Variants in PPP2CB observed in about 807,000 individuals in gnomAD.
The protein encoded by PPP2CB is serine/threonine-protein phosphatase 2A catalytic subunit beta isoform.
In PPP2CB, 18 loss-of-function variants were observed where a neutral mutation model predicts 39.1. The observed-to-expected ratio is 0.46, with a 90% CI of 0.32 to 0.68. The LOEUF (loss-of-function observed/expected upper bound fraction) is 0.68, where lower values mean the gene tolerates loss of function less well. Among genes scored for constraint, PPP2CB ranks in the 30% least tolerant of loss-of-function variants. The pLI is 0.04. For missense variants in PPP2CB, 226 were observed against 396.9 expected (o/e 0.57, Z 3.66); for synonymous variants, 129 against 133.8 (o/e 0.96, Z 0.25).
At chr8:30,811,605 C>T (rs1586130176) in intron 1 of PPP2CB, among the ~76,000 whole-genome samples, 1 of 151,674 alleles carries the variant, frequency 6.6e-6, no homozygotes, top group South Asian at 2.1e-4. Context: ...AAGCGATCCT[C>T]CCGCCTCAGC....
intron 2 of PPP2CB, 28 bp from the exon 3 acceptor site, chr8:30,797,782 T>C: frequency 1.2e-6 from 2 of 1,602,958 alleles, no homozygotes; most frequent in Non-Finnish European, 1.7e-6. Context: ...AAACCCATAG[T>C]AAAATCACAT....
chr8:30,805,999 G>C (rs998858401), intron 1 of PPP2CB, among the ~76,000 whole-genome samples: 1 of 151,854 alleles, frequency 6.6e-6, no homozygotes, highest in Admixed American at 6.6e-5. Context: ...TCTCTGGAAA[G>C]GAAACGGAAT....
In PPP2CB at chr8:30,801,024, T is replaced by C. The variant is rs564598499; in HGVS notation, c.103-1269A>G. 3.7e-4 allele frequency among the ~76,000 whole-genome samples: 53 copies of C among 143,706 alleles called. 1 individual carries two copies. Among genetic ancestry groups the C allele is most frequent in the East Asian group, 1.9e-3 (9 of 4,738 alleles). 94.3% of individuals were successfully genotyped at this position (143,706 alleles called of 152,430 possible). A position where few individuals can be genotyped will look rare whatever the true frequency, so the allele number is the denominator to read the frequency against. ...GAGTTTGAGACCAGGCTGGGCAACA[T>C]AGTGAGACCTCTGGTCTCTATAAAA... On this transcript the variant is annotated intron_variant, in intron 1 of 6. Transcript: ENST00000221138.
At chr8:30,793,083 C>T (rs1417520088) in intron 5 of PPP2CB, 1 of 152,076 alleles carries the variant, frequency 6.6e-6, no homozygotes, top group Non-Finnish European at 1.5e-5. Context: ...TTAAAGTTGC[C>T]ACCACCAGCA....
chr8:30,799,825 G>C, intron 1 of PPP2CB, 70 bp from the exon 2 acceptor site: 1 of 1,426,956 alleles, frequency 7.0e-7, no homozygotes, highest in Non-Finnish European at 9.7e-7. Flanking sequence ...AAGAAAATTT[G>C]GGGAAAAAAA....
chr8:30,812,467 G>GCCCCACC lies in PPP2CB; in HGVS notation c.-47_-46insGGTGGGG. 1 of 1,354,960 alleles carries GCCCCACC rather than the reference G, an allele frequency of 7.4e-7. No homozygotes were observed. The allele number at this position is 1,354,960 out of a possible 1,614,324, so 83.9% of individuals were successfully genotyped here. ...GATCCCGAGCCCCAGCCCGGCCGCC[G>GCCCCACC]CCCTCCCCCCTCCCCACCCGCCCCC... On this transcript the variant is annotated 5_prime_UTR_variant, in exon 1 of 7. Coordinates refer to ENST00000221138, the MANE Select transcript of PPP2CB (RefSeq NM_001009552.2).
chr8:30,812,393 A>C lies in PPP2CB; in HGVS notation c.29T>G (p.Leu10Arg). The C allele has an allele frequency of 6.5e-7, 1 of 1,544,854 alleles. No individual in the cohort carries two copies. The highest frequency in any genetic ancestry group is 8.8e-7 in the Non-Finnish European group (1 of 1,141,404). Residue 10 changes from leucine to arginine, a missense_variant, in exon 1 of 7, where the codon CTG becomes CGG. Transcript: ENST00000221138. Reference sequence around the variant, plus strand: ...GTTCAGCTGCTCGACCCACTGGTCCAGCTCCTTGGTGAACGCCTTGTCGTC... The same window carrying C: ...GTTCAGCTGCTCGACCCACTGGTCCCGCTCCTTGGTGAACGCCTTGTCGTC... MDDKAFTKE[L>R]DQWVEQLNEC...
intron 1 of PPP2CB, among the ~76,000 whole-genome samples, chr8:30,805,527 T>G (rs1806707291): frequency 1.3e-5 from 2 of 151,826 alleles, no homozygotes; most frequent in African/African-American, 4.8e-5. Flanking sequence ...ACCACTGCAC[T>G]CCAGCCTGGA....
intron 1 of PPP2CB, 37 bp downstream of exon 1, chr8:30,812,283 C>T (rs376538888): frequency 1.4e-6 from 2 of 1,446,968 alleles, no homozygotes; most frequent in Non-Finnish European, 1.8e-6. Flanking sequence ...CCCGTCCCAG[C>T]CCCGCGCTCC....
At position 30,797,686 on chromosome 8, in the gene PPP2CB, A is replaced by G; in HGVS notation, c.381T>C (p.Tyr127=). 1 of 1,614,020 alleles carries G rather than the reference A, an allele frequency of 6.2e-7. No individual in the cohort carries two copies. Among genetic ancestry groups the G allele is most frequent in the South Asian group, 1.1e-5 (1 of 91,080 alleles). Residue 127 remains tyrosine (Y), a synonymous_variant, in exon 3 of 7, where the codon TAT becomes TAC. Transcript: ENST00000221138. ...NHESRQITQV[Y]GFYDECLRKY... ...TTCGCAGACATTCATCATAAAAGCC[A>G]TATACTTGGGTAATTTGTCGGCTTT...
At chr8:30,798,434 G>A (rs911425039) in intron 2 of PPP2CB, among the ~76,000 whole-genome samples, 3 of 126,184 alleles carry the variant, frequency 2.4e-5, no homozygotes, top group Admixed American at 7.9e-5. Context: ...TCTAACGTAA[G>A]TTTGGTGCTA....
chr8:30,793,913 A>C lies in PPP2CB; in HGVS notation c.738+4T>G. On this transcript the variant is annotated splice_donor_region_variant and intron_variant, in intron 5 of 6. Transcript: ENST00000221138. ...AAAGATCATTCTGTCAGGAAAGTAC[A>C]TACCTCCATTACAAGCTGGTGGGCA... 6.2e-7 allele frequency: 1 copy of C among 1,610,610 alleles called. No homozygotes were observed. Among genetic ancestry groups the C allele is most frequent in the Non-Finnish European group, 8.5e-7 (1 of 1,178,872 alleles).
At chr8:30,796,028 T>G (rs932222990) in intron 3 of PPP2CB, among the ~76,000 whole-genome samples, 1 of 152,228 alleles carries the variant, frequency 6.6e-6, no homozygotes, top group African/African-American at 2.4e-5. Flanking sequence ...TTTTAAAAAC[T>G]AGATACTTCA....
At chr8:30,794,334 T>A in intron 3 of PPP2CB, 53 bp from the exon 4 acceptor site, 1 of 1,417,008 alleles carries the variant, frequency 7.1e-7, no homozygotes, top group East Asian at 2.3e-5. Context: ...CTCCAAACAG[T>A]TAACAAAGAG....
intron 1 of PPP2CB, among the ~76,000 whole-genome samples, chr8:30,806,429 G>A (rs1806727456): frequency 6.6e-6 from 1 of 152,066 alleles, no homozygotes; most frequent in Non-Finnish European, 1.5e-5. Context: ...TGGTCATTAA[G>A]GAAGAAAAGA....
At chr8:30,811,692 G>C (rs929124728) in intron 1 of PPP2CB, among the ~76,000 whole-genome samples, 3 of 151,670 alleles carry the variant, frequency 2.0e-5, no homozygotes, top group African/African-American at 7.3e-5. Flanking sequence ...TGTGGAGACG[G>C]GGCCTCACTA....
chr8:30,812,399 T>TTGG lies in PPP2CB; in HGVS notation c.20_22dup (p.Thr7dup). ...CTGCTCGACCCACTGGTCCAGCTCC[T>TTGG]TGGTGAACGCCTTGTCGTCCATGGC... On this transcript the variant is annotated inframe_insertion, in exon 1 of 7. Coordinates refer to ENST00000221138, the MANE Select transcript of PPP2CB (RefSeq NM_001009552.2). 1.3e-6 allele frequency: 2 copies of TTGG among 1,542,130 alleles called. No individual in the cohort carries two copies. Among genetic ancestry groups the TTGG allele is most frequent in the Admixed American group, 1.8e-5 (1 of 55,788 alleles).
rs375923816 is a variant in PPP2CB, at chr8:30,812,436, G to A, written c.-15C>T. The A allele has an allele frequency of 3.3e-6, 5 of 1,509,964 alleles. No homozygotes were observed. The highest frequency in any genetic ancestry group is 1.2e-5 in the South Asian group (1 of 81,518). 93.5% of individuals were successfully genotyped at this position (1,509,964 alleles called of 1,614,324 possible). On this transcript the variant is annotated 5_prime_UTR_variant, in exon 1 of 7. Transcript: ENST00000221138. The stretch of plus-strand genomic sequence containing the variant: ...TTGTCGTCCATGGCGGCCCGATCCC[G>A]ATGCGGATCCCGAGCCCCAGCCCGG...
At chr8:30,808,809 T>C (rs1163723416) in intron 1 of PPP2CB, among the ~76,000 whole-genome samples, 1 of 152,206 alleles carries the variant, frequency 6.6e-6, no homozygotes, top group Non-Finnish European at 1.5e-5. Context: ...GGCACATCTA[T>C]TCATTTTGCA....
Sources: gnomAD v4.1 joint callset for allele counts (sites outside exome capture counted in the v4.1 genomes callset) on GRCh38, gnomAD v4.1.1 for gene constraint, MANE v1.5 for transcripts, NCBI Gene and HGNC (gene_info 2026-07-23, HGNC 2026-07-21) for gene names.